DGKB: variants seen among roughly 807,000 people sequenced by gnomAD.
DGKB encodes diacylglycerol kinase beta, also known as 90 kDa diacylglycerol kinase.
Under a neutral mutation model 114.3 loss-of-function variants are expected in DGKB, and 67 were observed. That is an observed-to-expected ratio of 0.59 (90% CI 0.48 to 0.72). The LOEUF (loss-of-function observed/expected upper bound fraction) is 0.72. DGKB is among the 30% of genes least tolerant of loss of function. DGKB has a pLI of 0.00. For missense variants in DGKB, 907 were observed against 975.2 expected (o/e 0.93, Z 0.93); for synonymous variants, 398 against 323.1 (o/e 1.23, Z -2.49).
At position 14,343,666 on chromosome 7, in the gene DGKB, A is replaced by T. The variant is rs941346827; in HGVS notation, c.1926+1635T>A. On this transcript the variant is annotated intron_variant, in intron 22 of 25. Transcript: ENST00000402815. ...TCCACCTACATTCAACCAAAGCCAT[A>T]CTTCTAATTTTTCTAAAACTTTTCA... 1.2e-4 allele frequency among the ~76,000 whole-genome samples: 18 copies of T among 151,670 alleles called. 1 individual carries two copies. In the East Asian group the frequency reaches 3.3e-3, roughly 28 times the overall value.
chr7:14,520,210 A>ATT lies in DGKB; in HGVS notation c.1771-41987_1771-41986dup, dbSNP rs386409562. ...ATTATTGACTTTTATCTTTTTTCCT[A>ATT]TTTTTTTTTTTTTTTTGCAGGAGGC... On this transcript the variant is annotated intron_variant, in intron 20 of 25. Coordinates refer to ENST00000402815, the MANE Select transcript of DGKB (RefSeq NM_001350709.2). Among the ~76,000 whole-genome samples, 73 of 119,128 alleles carry ATT rather than the reference A, an allele frequency of 6.1e-4. 1 individual carries two copies. Among genetic ancestry groups the ATT allele is most frequent in the South Asian group, 1.6e-3 (6 of 3,700 alleles). 78.2% of individuals were successfully genotyped at this position (119,128 alleles called of 152,430 possible). A position where few individuals can be genotyped will look rare whatever the true frequency, so the allele number is the denominator to read the frequency against.
At chr7:14,587,344 A>G (rs1347029381) in intron 17 of DGKB, among the ~76,000 whole-genome samples, 1 of 152,134 alleles carries the variant, frequency 6.6e-6, no homozygotes, top group East Asian at 1.9e-4. Flanking sequence ...ATCATATTTG[A>G]TGAGAATTGA....
chr7:14,536,865 A>C (rs1351050829), intron 20 of DGKB, among the ~76,000 whole-genome samples: 1 of 152,128 alleles, frequency 6.6e-6, no homozygotes, highest in African/African-American at 2.4e-5. Flanking sequence ...AAGGCATCCA[A>C]ATTAGATAAG....
intron 13 of DGKB, among the ~76,000 whole-genome samples, chr7:14,670,238 G>A (rs1395592025): frequency 6.6e-6 from 1 of 151,760 alleles, no homozygotes; most frequent in South Asian, 2.1e-4. Context: ...GTGTGTATGT[G>A]TGTTAAGAGC....
At chr7:14,841,168 C>A in intron 2 of DGKB, 26 bp downstream of exon 2, 2 of 1,573,350 alleles carry the variant, frequency 1.3e-6, no homozygotes, top group South Asian at 1.1e-5. Flanking sequence ...GTCAAATAAT[C>A]TCATAATATC....
chr7:14,650,909 A>C (rs1289727158), intron 13 of DGKB, among the ~76,000 whole-genome samples: 1 of 152,120 alleles, frequency 6.6e-6, no homozygotes, highest in Non-Finnish European at 1.5e-5. Flanking sequence ...GAAATGGATA[A>C]ACTCCTCGAC....
chr7:14,342,122 A>C (rs1175699493), intron 22 of DGKB, among the ~76,000 whole-genome samples: 1 of 151,748 alleles, frequency 6.6e-6, no homozygotes, highest in Non-Finnish European at 1.5e-5. Context: ...AATCCTGCTA[A>C]TTTATTTTGT....
At chr7:14,427,455 G>C (rs1827751227) in intron 21 of DGKB, among the ~76,000 whole-genome samples, 1 of 152,046 alleles carries the variant, frequency 6.6e-6, no homozygotes, top group African/African-American at 2.4e-5. Flanking sequence ...CCTCTGCCCA[G>C]TTACCCAGTT....
intron 23 of DGKB, among the ~76,000 whole-genome samples, chr7:14,318,472 C>A (rs75631407): frequency 0.65 from 99,366 of 152,006 alleles, 33,576 homozygotes; most frequent in South Asian, 0.74. Context: ...GAAAAGTGGG[C>A]GAAGGACATC....
In DGKB at chr7:14,853,867, CAAA is replaced by C. The variant is rs56269565; in HGVS notation, c.-187-12420_-187-12418del. On this transcript the variant is annotated intron_variant, in intron 1 of 25. Transcript: ENST00000402815. ...TGGGCGACAGACCGAGACTCCGTCT[CAAA>C]AAAAAAAAAAAAAAAAAAAAAAATT... Among the ~76,000 whole-genome samples the C allele has an allele frequency of 5.0e-3, 523 of 103,960 alleles. 2 individuals are homozygous for C. The highest frequency in any genetic ancestry group is 0.017 in the African/African-American group (483 of 28,364). The allele number at this position is 103,960 out of a possible 152,430, so 68.2% of individuals were successfully genotyped here. A position where few individuals can be genotyped will look rare whatever the true frequency, so the allele number is the denominator to read the frequency against.
chr7:14,880,997 G>A (rs1035229799), intron 1 of DGKB, among the ~76,000 whole-genome samples: 8 of 152,040 alleles, frequency 5.3e-5, no homozygotes, highest in African/African-American at 1.9e-4. Flanking sequence ...AAATAACAAT[G>A]AGGCTGTTAG....
intron 25 of DGKB, among the ~76,000 whole-genome samples, chr7:14,167,230 ATT>A (rs1784742062): frequency 6.6e-6 from 1 of 150,944 alleles, no homozygotes; most frequent in African/African-American, 2.4e-5. Context: ...AAAAAAAAAA[ATT>A]CTGTTAATCA....
intron 7 of DGKB, among the ~76,000 whole-genome samples, chr7:14,701,320 C>T (rs1184702896): frequency 1.3e-5 from 2 of 152,158 alleles, no homozygotes; most frequent in Admixed American, 6.5e-5. Context: ...TCTCAAGTTT[C>T]CTTAATGCCA....
intron 14 of DGKB, among the ~76,000 whole-genome samples, chr7:14,628,357 G>C (rs893401171): frequency 6.7e-6 from 1 of 149,514 alleles, no homozygotes; most frequent in African/African-American, 2.4e-5. Context: ...GTTAAGTTTA[G>C]AGAGAACAAC....
At chr7:14,265,775 A>G (rs1455918185) in intron 23 of DGKB, among the ~76,000 whole-genome samples, 2 of 152,196 alleles carry the variant, frequency 1.3e-5, no homozygotes, top group Non-Finnish European at 2.9e-5. Flanking sequence ...CTTTATCAAT[A>G]TATTTTAAAT....
chr7:14,541,529 A>G (rs983156125), intron 20 of DGKB, among the ~76,000 whole-genome samples: 1 of 152,184 alleles, frequency 6.6e-6, no homozygotes. Context: ...CACATCTAAA[A>G]GTTAATTTCT....
rs115347513 is a variant in DGKB at position 14,528,723 on chromosome 7, A to G, written c.1770+45489T>C. Among the ~76,000 whole-genome samples, 399 of 152,232 alleles carry G rather than the reference A, an allele frequency of 2.6e-3. 2 individuals are homozygous for G. Among genetic ancestry groups the G allele is most frequent in the African/African-American group, 9.4e-3 (390 of 41,576 alleles). Reference sequence around the variant, plus strand: ...ATAAATATGTTAACCAAAATATTACATGATTCATTAGAGCAATATATGAAT... The same window carrying G: ...ATAAATATGTTAACCAAAATATTACGTGATTCATTAGAGCAATATATGAAT... On this transcript the variant is annotated intron_variant, in intron 20 of 25. Coordinates refer to ENST00000402815, the MANE Select transcript of DGKB (RefSeq NM_001350709.2).
intron 1 of DGKB, among the ~76,000 whole-genome samples, chr7:14,878,776 A>AAAAAAAAC (rs1853755266): frequency 6.6e-6 from 1 of 151,664 alleles, no homozygotes; most frequent in African/African-American, 2.4e-5. Context: ...AAACAAAAAA[A>AAAAAAAAC]AAAAACCAAA....
intron 1 of DGKB, among the ~76,000 whole-genome samples, chr7:14,871,979 C>T (rs1852531061): frequency 1.3e-5 from 2 of 151,778 alleles, no homozygotes; most frequent in South Asian, 2.1e-4. Flanking sequence ...GGCACTTTGC[C>T]CTAAATACAG....
Sources: allele counts gnomAD v4.1 joint callset (sites outside exome capture counted in the v4.1 genomes callset), GRCh38; gene constraint gnomAD v4.1.1; transcripts MANE v1.5; gene names NCBI Gene and HGNC (gene_info 2026-07-23, HGNC 2026-07-21).